Variants in PSD3 observed in about 807,000 individuals in gnomAD.
The protein encoded by PSD3 is pleckstrin and Sec7 domain containing 3, also known as PH and SEC7 domain-containing protein 3.
In PSD3, 49 loss-of-function variants were observed where a neutral mutation model predicts 105.5. That is an observed-to-expected ratio of 0.46 (90% CI 0.37 to 0.59). PSD3 has a LOEUF of 0.59. Among genes scored for constraint, PSD3 ranks in the 20% least tolerant of loss-of-function variants. The pLI is 0.00. For synonymous variants in PSD3, 557 were observed against 457.8 expected (o/e 1.22, Z -2.77); for missense variants, 1,561 against 1,263.8 (o/e 1.24, Z -3.57).
At chr8:18,732,268 G>C (rs1028553517) in intron 9 of PSD3, among the ~76,000 whole-genome samples, 11 of 152,130 alleles carry the variant, frequency 7.2e-5, no homozygotes, top group African/African-American at 2.7e-4. Context: ...ATTGTAGATG[G>C]ACATACGGAG....
At chr8:18,990,949 C>G (rs945736722) in intron 1 of PSD3, among the ~76,000 whole-genome samples, 4 of 152,074 alleles carry the variant, frequency 2.6e-5, no homozygotes, top group African/African-American at 9.7e-5. Flanking sequence ...GTTAAAAGGA[C>G]CAGATGATCC....
chr8:18,901,232 C>T (rs1358021089), intron 2 of PSD3, among the ~76,000 whole-genome samples: 1 of 152,008 alleles, frequency 6.6e-6, no homozygotes, highest in Non-Finnish European at 1.5e-5. Flanking sequence ...GCAAATCTCC[C>T]AAAAAATTAA....
At chr8:18,738,086 A>T (rs1458799013) in intron 9 of PSD3, among the ~76,000 whole-genome samples, 1 of 152,216 alleles carries the variant, frequency 6.6e-6, no homozygotes, top group East Asian at 1.9e-4. Context: ...AGGAAATCCG[A>T]ATGGCTAACA....
chr8:18,855,257 C>T (rs538793888), intron 4 of PSD3, among the ~76,000 whole-genome samples: 156 of 152,272 alleles, frequency 1.0e-3, no homozygotes, highest in Non-Finnish European at 1.8e-3. Context: ...CAAGAATGTT[C>T]TGGTTTACCA....
chr8:18,950,741 C>T (rs1188165272), intron 1 of PSD3, among the ~76,000 whole-genome samples: 1 of 151,998 alleles, frequency 6.6e-6, no homozygotes, highest in African/African-American at 2.4e-5. Context: ...TTTATATATA[C>T]ATAATATAAA....
At chr8:18,901,940 T>C (rs1019713635) in intron 2 of PSD3, among the ~76,000 whole-genome samples, 1 of 152,204 alleles carries the variant, frequency 6.6e-6, no homozygotes, top group East Asian at 1.9e-4. Context: ...GACTCTCCTC[T>C]TTTTCTGTTT....
At chr8:18,661,456 C>T (rs1170272163) in intron 9 of PSD3, among the ~76,000 whole-genome samples, 1 of 152,256 alleles carries the variant, frequency 6.6e-6, no homozygotes, top group Admixed American at 6.5e-5. Context: ...AATGATAAAA[C>T]CAGTTATTAG....
At chr8:18,676,365 C>T (rs572109859) in intron 9 of PSD3, among the ~76,000 whole-genome samples, 32 of 152,290 alleles carry the variant, frequency 2.1e-4, no homozygotes, top group African/African-American at 6.3e-4. Flanking sequence ...GAGTGGGACG[C>T]GGCTTCTCCT....
intron 1 of PSD3, among the ~76,000 whole-genome samples, chr8:19,074,779 C>T (rs1563546833): frequency 6.6e-6 from 1 of 151,104 alleles, no homozygotes; most frequent in African/African-American, 2.4e-5. Context: ...CACCACCACA[C>T]CGGGCTAATT....
At chr8:18,871,275 A>G (rs972197798) in intron 3 of PSD3, among the ~76,000 whole-genome samples, 1 of 152,196 alleles carries the variant, frequency 6.6e-6, no homozygotes, top group South Asian at 2.1e-4. Context: ...TCATATTACT[A>G]AAGATGACTG....
chr8:18,900,915 C>G (rs143332533), intron 2 of PSD3, among the ~76,000 whole-genome samples: 7,145 of 152,184 alleles, frequency 0.047, 204 homozygotes, highest in South Asian at 0.082. Flanking sequence ...GCAATAGCAA[C>G]AACAGGTGGC....
At chr8:18,690,759 C>T (rs1313488776) in intron 9 of PSD3, among the ~76,000 whole-genome samples, 3 of 152,240 alleles carry the variant, frequency 2.0e-5, no homozygotes, top group African/African-American at 7.2e-5. Context: ...CTCTTCCTCG[C>T]TGTCTGGTCC....
At chr8:18,858,837 T>C (rs1470631648) in intron 4 of PSD3, among the ~76,000 whole-genome samples, 3 of 152,222 alleles carry the variant, frequency 2.0e-5, no homozygotes, top group African/African-American at 7.2e-5. Flanking sequence ...TTTAATCTAC[T>C]GGAAGTTTCA....
At chr8:18,941,642 T>C (rs1397990537) in intron 1 of PSD3, among the ~76,000 whole-genome samples, 4 of 149,972 alleles carry the variant, frequency 2.7e-5, no homozygotes, top group South Asian at 4.2e-4. Flanking sequence ...AGACACAAGA[T>C]AAGCACTACT....
rs1280736895 is a variant in PSD3 at position 18,663,550 on chromosome 8, T to G, written c.2173-7865A>C. Among the ~76,000 whole-genome samples the G allele has an allele frequency of 2.0e-5, 3 of 152,268 alleles. No homozygotes were observed. In the East Asian group the frequency reaches 5.8e-4, roughly 29 times the overall value. On this transcript the variant is annotated intron_variant, in intron 9 of 15. Transcript: ENST00000327040. Reference sequence around the variant, plus strand: ...TGCATTCATTTATTTATTTTGGGGGTGGACTTGATCAATAAGATGTATTCA... The same window carrying G: ...TGCATTCATTTATTTATTTTGGGGGGGGACTTGATCAATAAGATGTATTCA...
At chr8:18,804,501 A>G in intron 6 of PSD3, 21 bp downstream of exon 6, 1 of 1,556,302 alleles carries the variant, frequency 6.4e-7, no homozygotes, top group East Asian at 2.2e-5. Flanking sequence ...AATGACGAGC[A>G]GCAAGGAGGC....
intron 4 of PSD3, among the ~76,000 whole-genome samples, chr8:18,839,807 A>C (rs573802560): frequency 6.7e-6 from 1 of 149,046 alleles, no homozygotes; most frequent in East Asian, 1.9e-4. Flanking sequence ...CCCATGACAC[A>C]GGGATGACAC....
intron 2 of PSD3, among the ~76,000 whole-genome samples, chr8:18,892,766 A>T (rs750974677): frequency 6.6e-5 from 10 of 151,778 alleles, no homozygotes; most frequent in Non-Finnish European, 1.3e-4. Context: ...CTGGGATTAC[A>T]GGCATATACC....
intron 9 of PSD3, among the ~76,000 whole-genome samples, chr8:18,717,694 G>A (rs986711260): frequency 6.6e-6 from 1 of 152,180 alleles, no homozygotes; most frequent in African/African-American, 2.4e-5. Flanking sequence ...AACCACTTGA[G>A]TCAACTCCTG....
Sources: gnomAD v4.1 joint callset for allele counts (sites outside exome capture counted in the v4.1 genomes callset) on GRCh38, gnomAD v4.1.1 for gene constraint, MANE v1.5 for transcripts, NCBI Gene and HGNC (gene_info 2026-07-23, HGNC 2026-07-21) for gene names.